Variants in SHISA9 observed in about 807,000 individuals in gnomAD.
SHISA9 encodes the protein shisa family member 9.
SHISA9 carries 13 observed loss-of-function variants against 38.0 expected under a neutral mutation model. The ratio of observed to expected loss-of-function variants is 0.34; its 90% CI spans 0.22 to 0.54. The LOEUF is 0.54. Ranked by LOEUF, SHISA9 falls within the 20% of genes least tolerant of loss-of-function variation. The probability of loss-of-function intolerance (pLI) is 0.91; values close to 1 mark genes in which losing one functional copy is unlikely to be tolerated. For missense variants in SHISA9, 538 were observed against 575.8 expected (o/e 0.93, Z 0.67); for synonymous variants, 275 against 242.0 (o/e 1.14, Z -1.27).
At chr16:13,087,861 A>C (rs1418977592) in intron 2 of SHISA9, among the ~76,000 whole-genome samples, 1 of 152,104 alleles carries the variant, frequency 6.6e-6, no homozygotes, top group Non-Finnish European at 1.5e-5. Flanking sequence ...TTTTGTTGCC[A>C]TTGCTTTTGG....
the SHISA9 span, among the ~76,000 whole-genome samples, chr16:13,465,842 C>A: frequency 1.3e-5 from 2 of 152,336 alleles, no homozygotes; most frequent in East Asian, 3.9e-4. Context: ...TGGCCCACTG[C>A]CTGTTTTGAC....
rs1374297678 is a variant in SHISA9, at chr16:12,912,987, T to C, written c.564-3701T>C. Among the ~76,000 whole-genome samples, 8 of 152,178 alleles carry C rather than the reference T, an allele frequency of 5.3e-5. No homozygotes were observed. In the East Asian group the frequency reaches 1.5e-3, roughly 29 times the overall value. Reference sequence around the variant, plus strand: ...CCAACTCCTCGCTGTTCAAGGCCCATCTCCAGTGTCACCCCCTCACAAAGG... The same window carrying C: ...CCAACTCCTCGCTGTTCAAGGCCCACCTCCAGTGTCACCCCCTCACAAAGG... On this transcript the variant is annotated intron_variant, in intron 1 of 4. Coordinates refer to ENST00000558583, the MANE Select transcript of SHISA9 (RefSeq NM_001145204.3).
At chr16:13,479,431 A>T in the SHISA9 span, among the ~76,000 whole-genome samples, 1 of 152,196 alleles carries the variant, frequency 6.6e-6, no homozygotes, top group Non-Finnish European at 1.5e-5. Context: ...AAGGGGCCCC[A>T]GAATTTGTTG....
At chr16:13,302,252 T>C in the SHISA9 span, among the ~76,000 whole-genome samples, 2 of 152,172 alleles carry the variant, frequency 1.3e-5, no homozygotes, top group South Asian at 2.1e-4. Flanking sequence ...GAAATTAACC[T>C]CATTTTTAGA....
rs77522291 is a variant in SHISA9 at position 12,961,723 on chromosome 16, A to G, written c.691+44908A>G. On this transcript the variant is annotated intron_variant, in intron 2 of 4. Transcript: ENST00000558583. ...TTCCCCTGCCAAAAGCAACCCATAA[A>G]TCAGCCCCAGAAGGCACAGGAGTTC... 9.5e-4 allele frequency among the ~76,000 whole-genome samples: 144 copies of G among 152,254 alleles called. 2 individuals carry two copies. In the East Asian group the frequency reaches 0.024, roughly 26 times the overall value.
At chr16:13,467,695 C>T in the SHISA9 span, among the ~76,000 whole-genome samples, 1 of 152,184 alleles carries the variant, frequency 6.6e-6, no homozygotes, top group African/African-American at 2.4e-5. Flanking sequence ...ATGATATTCT[C>T]CAGAATTGCC....
At chr16:13,506,015 C>T in the SHISA9 span, among the ~76,000 whole-genome samples, 1 of 152,116 alleles carries the variant, frequency 6.6e-6, no homozygotes, top group African/African-American at 2.4e-5. Flanking sequence ...TATCTAGGTC[C>T]CTCTCAGAGA....
the SHISA9 span, among the ~76,000 whole-genome samples, chr16:13,539,936 T>TA: frequency 1.3e-5 from 2 of 151,864 alleles, no homozygotes; most frequent in Admixed American, 1.3e-4. Flanking sequence ...CCTACTCTTT[T>TA]TTATGGCTGT....
At chr16:12,972,073 G>A (rs12447845) in intron 2 of SHISA9, among the ~76,000 whole-genome samples, 3,369 of 151,236 alleles carry the variant, frequency 0.022, 41 homozygotes, top group African/African-American at 0.03. Flanking sequence ...GTGTGTGTGT[G>A]TGTGTGTGTT....
At chr16:12,921,491 A>C (rs1831164161) in intron 2 of SHISA9, among the ~76,000 whole-genome samples, 1 of 152,214 alleles carries the variant, frequency 6.6e-6, no homozygotes, top group African/African-American at 2.4e-5. Context: ...GAGATTGAGC[A>C]TGGCTCAGAC....
chr16:13,146,587 G>A (rs1330149931), intron 2 of SHISA9, among the ~76,000 whole-genome samples: 3 of 152,104 alleles, frequency 2.0e-5, no homozygotes, highest in African/African-American at 7.2e-5. Flanking sequence ...TGTAGTCTAG[G>A]TCCACAGCTT....
chr16:13,276,563 T>A, the SHISA9 span, among the ~76,000 whole-genome samples: 9 of 152,262 alleles, frequency 5.9e-5, no homozygotes, highest in East Asian at 1.9e-4. Context: ...GTTCACCATA[T>A]CCATGCCAAC....
intron 2 of SHISA9, among the ~76,000 whole-genome samples, chr16:12,950,355 A>G (rs1596545433): frequency 6.6e-6 from 1 of 152,204 alleles, no homozygotes; most frequent in East Asian, 1.9e-4. Flanking sequence ...TTGATATACT[A>G]GTATCTTTTC....
chr16:13,132,506 T>C (rs1342714099), intron 2 of SHISA9, among the ~76,000 whole-genome samples: 6 of 152,172 alleles, frequency 3.9e-5, no homozygotes, highest in Non-Finnish European at 7.4e-5. Flanking sequence ...TTGTACATTT[T>C]TGCAGCAGCC....
intron 2 of SHISA9, among the ~76,000 whole-genome samples, chr16:13,142,468 T>G (rs2050410131): frequency 6.6e-6 from 1 of 152,192 alleles, no homozygotes; most frequent in Non-Finnish European, 1.5e-5. Context: ...TATTGTACGC[T>G]TCTGTGGCCA....
At chr16:13,538,120 T>C in the SHISA9 span, among the ~76,000 whole-genome samples, 1 of 152,200 alleles carries the variant, frequency 6.6e-6, no homozygotes, top group African/African-American at 2.4e-5. Context: ...TGCGATCTAC[T>C]AGAAAGAGTA....
intron 2 of SHISA9, among the ~76,000 whole-genome samples, chr16:13,051,550 C>CATTTTTTAT (rs2141899334): frequency 6.6e-6 from 1 of 152,160 alleles, no homozygotes; most frequent in Admixed American, 6.5e-5. Flanking sequence ...ATCCACTTGC[C>CATTTTTTAT]TTCATTTTTT....
At chr16:13,513,011 G>C in the SHISA9 span, among the ~76,000 whole-genome samples, 1 of 152,142 alleles carries the variant, frequency 6.6e-6, no homozygotes, top group African/African-American at 2.4e-5. Context: ...TGACAAATGG[G>C]ACCTAATTAA....
the SHISA9 span, among the ~76,000 whole-genome samples, chr16:13,321,955 A>G: frequency 6.6e-6 from 1 of 152,252 alleles, no homozygotes; most frequent in Non-Finnish European, 1.5e-5. Context: ...TACCTGACAC[A>G]ATACCTGACA....
Sources: gnomAD v4.1 joint callset for allele counts (sites outside exome capture counted in the v4.1 genomes callset) on GRCh38, gnomAD v4.1.1 for gene constraint, MANE v1.5 for transcripts, NCBI Gene and HGNC (gene_info 2026-07-23, HGNC 2026-07-21) for gene names.